Variants in BIN3 observed in about 807,000 individuals in gnomAD.
BIN3 encodes the protein bridging integrator 3.
Under a neutral mutation model 38.2 loss-of-function variants are expected in BIN3, and 41 were observed. The ratio of observed to expected loss-of-function variants is 1.07; its 90% confidence interval spans 0.84 to 1.39. The LOEUF (loss-of-function observed/expected upper bound fraction) is 1.39. Ranked by LOEUF, BIN3 falls within the 40% of genes most tolerant of loss-of-function variation. The pLI is 0.00. For synonymous variants in BIN3, 145 were observed against 122.6 expected, an observed-to-expected ratio of 1.18 and a Z score of -1.21; for missense variants, 361 against 324.3, an observed-to-expected ratio of 1.11 and a Z score of -0.87.
intron 4 of BIN3, chr8:22,634,616 A>G (rs6558174): frequency 0.7 from 309,619 of 444,304 alleles, 109,011 homozygotes; most frequent in South Asian, 0.76. Context: ...GTAGGAGCAC[A>G]CTGGTCCTCA....
At chr8:22,652,098 A>C (rs1162634099) in intron 1 of BIN3, among the ~76,000 whole-genome samples, 2 of 150,826 alleles carry the variant, frequency 1.3e-5, no homozygotes, top group African/African-American at 2.4e-5. Flanking sequence ...TGGATGCCTT[A>C]TCTCTCTGAG....
rs777439749 is a variant in BIN3 at position 22,624,354 on chromosome 8, A to G, written c.348T>C (p.Ser116=). 7.4e-6 allele frequency: 12 copies of G among 1,612,852 alleles called. No individual in the cohort carries two copies. The Admixed American group carries it at 2.0e-4, about 27-fold the overall frequency. ...CAGCCATGTTGAGGCTCGGGAAGAC[A>G]CTGCCGAACCTGTGGGACAAGCTGG... ...TVIEPLKKFG[S]VFPSLNMAVK... The change falls in exon 7 of 9, where the codon AGT becomes AGC. Residue 116 remains serine, a synonymous_variant. Transcript: ENST00000276416.
intron 1 of BIN3, among the ~76,000 whole-genome samples, chr8:22,656,896 G>C (rs1017127478): frequency 3.4e-4 from 51 of 152,130 alleles, no homozygotes; most frequent in African/African-American, 1.2e-3. Context: ...CTTGGTAAAG[G>C]GTACAGGCTA....
At chr8:22,634,109 T>A (rs35952885) in intron 4 of BIN3, among the ~76,000 whole-genome samples, 1 of 152,142 alleles carries the variant, frequency 6.6e-6, no homozygotes, top group South Asian at 2.1e-4. Context: ...TGCAGCTGTC[T>A]GCAGAAGCAG....
At chr8:22,664,418 A>G (rs1803345281) in intron 1 of BIN3, among the ~76,000 whole-genome samples, 1 of 152,236 alleles carries the variant, frequency 6.6e-6, no homozygotes, top group African/African-American at 2.4e-5. Context: ...TGGTGTGTCC[A>G]AAGTCACAGA....
At chr8:22,659,209 C>T (rs531465168) in intron 1 of BIN3, among the ~76,000 whole-genome samples, 1 of 152,220 alleles carries the variant, frequency 6.6e-6, no homozygotes, top group Non-Finnish European at 1.5e-5. Flanking sequence ...GGCGGAGACC[C>T]CAGGAAAGAG....
intron 6 of BIN3, chr8:22,625,329 T>G (rs1019350126): frequency 1.4e-6 from 1 of 702,506 alleles, no homozygotes; most frequent in Non-Finnish European, 2.6e-6. Flanking sequence ...CCCTGCAGTG[T>G]CCAGGATCAG....
intron 1 of BIN3, among the ~76,000 whole-genome samples, chr8:22,665,616 T>C (rs1563172940): frequency 6.6e-6 from 1 of 152,012 alleles, no homozygotes. Context: ...GGGGAAACAT[T>C]TCAGGCAGAA....
At chr8:22,640,378 A>T (rs1802509613) in intron 2 of BIN3, among the ~76,000 whole-genome samples, 1 of 141,820 alleles carries the variant, frequency 7.1e-6, no homozygotes, top group Middle Eastern at 3.7e-3. Context: ...TTTGGTAGAG[A>T]TGGGGTCACC....
chr8:22,631,498 A>G (rs1802201437), intron 4 of BIN3, among the ~76,000 whole-genome samples: 1 of 152,294 alleles, frequency 6.6e-6, no homozygotes, highest in Non-Finnish European at 1.5e-5. Context: ...GCGGAAATGT[A>G]GTTTGGTTCC....
rs1801781182 is a variant in BIN3 at position 22,621,064 on chromosome 8, T to G, written c.*358A>C. The G allele has an allele frequency of 5.1e-6, 1 of 196,906 alleles. No individual in the cohort carries two copies. The highest frequency in any genetic ancestry group is 1.3e-4 in the East Asian group (1 of 7,450). 12.2% of individuals were successfully genotyped at this position (196,906 alleles called of 1,614,324 possible). On this transcript the variant is annotated 3_prime_UTR_variant, in exon 9 of 9. Coordinates refer to ENST00000276416, the MANE Select transcript of BIN3 (RefSeq NM_018688.6). ...AGGATGGGTCTTTTGGAGGTAGATT[T>G]GATGCCCACAACGCATGCAAGGCTA...
chr8:22,650,580 T>G (rs1802859301), intron 1 of BIN3, among the ~76,000 whole-genome samples: 1 of 152,240 alleles, frequency 6.6e-6, no homozygotes, highest in South Asian at 2.1e-4. Context: ...AAAGTTATAG[T>G]GTGCACAGTC....
chr8:22,651,893 TCTTA>T (rs1365988327), intron 1 of BIN3, among the ~76,000 whole-genome samples: 2 of 152,180 alleles, frequency 1.3e-5, no homozygotes, highest in Non-Finnish European at 2.9e-5. Flanking sequence ...GTTTTCTGTT[TCTTA>T]CTTCTGAAAC....
chr8:22,636,891 C>T (rs1271083463), intron 3 of BIN3, 31 bp downstream of exon 3: 10 of 1,607,062 alleles, frequency 6.2e-6, no homozygotes, highest in Middle Eastern at 3.3e-4. Flanking sequence ...CTCCCTGCCT[C>T]CCACCTCATC....
intron 6 of BIN3, among the ~76,000 whole-genome samples, chr8:22,626,808 AC>A (rs796615844): frequency 2.0e-5 from 3 of 151,536 alleles, no homozygotes; most frequent in Non-Finnish European, 4.4e-5. Context: ...CAGCAGCCTG[AC>A]CCCCCAACAT....
chr8:22,634,199 G>GT (rs1291494632), intron 4 of BIN3, among the ~76,000 whole-genome samples: 7 of 152,224 alleles, frequency 4.6e-5, no homozygotes, highest in African/African-American at 1.7e-4. Flanking sequence ...TGCGACCCAA[G>GT]TAACTCAGAC....
rs571224082 is a variant in BIN3, at chr8:22,649,812, AACACAC to A, written c.9-5015_9-5010del. Among the ~76,000 whole-genome samples the A allele has an allele frequency of 8.3e-3, 741 of 89,234 alleles. 5 individuals carry two copies. Among genetic ancestry groups the A allele is most frequent in the Middle Eastern group, 0.012 (2 of 162 alleles). The allele number at this position is 89,234 out of a possible 152,430, so 58.5% of individuals were successfully genotyped here. A position where few individuals can be genotyped will look rare whatever the true frequency, so the allele number is the denominator to read the frequency against. On this transcript the variant is annotated intron_variant, in intron 1 of 8. Transcript: ENST00000276416. ...GAAGAGATAGAAAAACGCAAAGGACAACACACACACACACACACACACACACACACA... is the reference window on the plus strand; with the variant it reads ...GAAGAGATAGAAAAACGCAAAGGACAACACACACACACACACACACACACA...
chr8:22,636,926 G>C lies in BIN3; in HGVS notation c.94C>G (p.Gln32Glu). The C allele has an allele frequency of 6.2e-7, 1 of 1,612,998 alleles. No individual in the cohort carries two copies. The highest frequency in any genetic ancestry group is 8.5e-7 in the Non-Finnish European group (1 of 1,179,048). Residue 32 changes from glutamine to glutamate, a missense_variant, in exon 3 of 9, where the codon CAG becomes GAG. Physicochemically the swap from Gln to Glu is conservative, Grantham distance 29. Transcript: ENST00000276416. Reference protein sequence around the residue: ...RDFEREYGKLQQLEEQTRRLQ... With the variant: ...RDFEREYGKLEQLEEQTRRLQ... ...CTTTCTGGGGTTGACACTCACTGCTGAAGTTTTCCATACTCCCTTTCAAAG... is the reference window on the plus strand; with the variant it reads ...CTTTCTGGGGTTGACACTCACTGCTCAAGTTTTCCATACTCCCTTTCAAAG...
chr8:22,655,016 G>A (rs1016874731), intron 1 of BIN3, among the ~76,000 whole-genome samples: 3 of 152,170 alleles, frequency 2.0e-5, no homozygotes, highest in Non-Finnish European at 4.4e-5. Context: ...ATCCTAGTGG[G>A]TATGAGGTAG....
Sources: gnomAD v4.1 joint callset for allele counts (sites outside exome capture counted in the v4.1 genomes callset) on GRCh38, gnomAD v4.1.1 for gene constraint, MANE v1.5 for transcripts, NCBI Gene and HGNC (gene_info 2026-07-23, HGNC 2026-07-21) for gene names.